CLSTN2: variants seen among roughly 807,000 people sequenced by gnomAD.
The protein encoded by CLSTN2 is calsyntenin-2.
Under a neutral mutation model 101.2 loss-of-function variants are expected in CLSTN2, and 48 were observed. The ratio of observed to expected loss-of-function variants is 0.47; its 90% confidence interval spans 0.38 to 0.60. The LOEUF is 0.60. CLSTN2 is among the 20% of genes least tolerant of loss of function. The pLI, the probability that CLSTN2 is intolerant of heterozygous loss-of-function variation, is 0.00. For synonymous variants in CLSTN2, 481 were observed against 463.6 expected, an observed-to-expected ratio of 1.04 and a Z score of -0.48; for missense variants, 1,160 against 1,238.2, an observed-to-expected ratio of 0.94 and a Z score of 0.95.
chr3:140,177,683 C>T (rs2010346079), intron 2 of CLSTN2, among the ~76,000 whole-genome samples: 2 of 151,970 alleles, frequency 1.3e-5, no homozygotes, highest in South Asian at 4.2e-4. Context: ...GTCCTAGTTT[C>T]TCAGGAAGCC....
intron 1 of CLSTN2, among the ~76,000 whole-genome samples, chr3:140,143,132 C>T (rs1190534356): frequency 6.6e-6 from 1 of 152,152 alleles, no homozygotes; most frequent in Non-Finnish European, 1.5e-5. Context: ...AGAATAAAAA[C>T]CTGAGATGGC....
chr3:140,202,676 C>T (rs780733139), intron 2 of CLSTN2, among the ~76,000 whole-genome samples: 14 of 152,028 alleles, frequency 9.2e-5, no homozygotes, highest in Non-Finnish European at 1.6e-4. Context: ...TTTTAGGCCA[C>T]GGGACATTCA....
chr3:140,551,093 T>C (rs1310392582), intron 10 of CLSTN2, among the ~76,000 whole-genome samples: 4 of 152,350 alleles, frequency 2.6e-5, no homozygotes, highest in Non-Finnish European at 5.9e-5. Flanking sequence ...AATCAGTTCA[T>C]GCTCTTTCCT....
intron 1 of CLSTN2, among the ~76,000 whole-genome samples, chr3:140,030,635 C>T (rs1463851670): frequency 6.6e-6 from 1 of 152,192 alleles, no homozygotes; most frequent in South Asian, 2.1e-4. Flanking sequence ...GGAGAGGACA[C>T]AGGGCTACTC....
At chr3:140,039,575 T>A (rs908183425) in intron 1 of CLSTN2, among the ~76,000 whole-genome samples, 1 of 152,232 alleles carries the variant, frequency 6.6e-6, no homozygotes, top group African/African-American at 2.4e-5. Flanking sequence ...TAACCATGCA[T>A]GACATTCCTA....
intron 2 of CLSTN2, among the ~76,000 whole-genome samples, chr3:140,335,414 A>T (rs1362129499): frequency 6.6e-6 from 1 of 152,050 alleles, no homozygotes; most frequent in Non-Finnish European, 1.5e-5. Flanking sequence ...GTTATTGAGG[A>T]AACTCAGAGA....
At chr3:140,307,229 G>C (rs75670143) in intron 2 of CLSTN2, among the ~76,000 whole-genome samples, 2 of 152,024 alleles carry the variant, frequency 1.3e-5, no homozygotes, top group East Asian at 3.9e-4. Flanking sequence ...TTGCCCACTC[G>C]GGTGTGTCTT....
At chr3:140,082,595 C>A (rs1289266789) in intron 1 of CLSTN2, among the ~76,000 whole-genome samples, 2 of 152,192 alleles carry the variant, frequency 1.3e-5, no homozygotes, top group East Asian at 1.9e-4. Flanking sequence ...CCCCCATACA[C>A]CCCTCCAAAC....
chr3:140,279,677 C>T (rs942606030), intron 2 of CLSTN2, among the ~76,000 whole-genome samples: 2 of 152,184 alleles, frequency 1.3e-5, no homozygotes, highest in African/African-American at 4.8e-5. Context: ...CCCTCAAGGT[C>T]AGCAGCCCGC....
intron 8 of CLSTN2, among the ~76,000 whole-genome samples, chr3:140,521,759 C>T (rs886671167): frequency 1.2e-4 from 19 of 152,220 alleles, no homozygotes; most frequent in Admixed American, 3.9e-4. Context: ...ACGGTCACAT[C>T]TCTCCCCAGG....
At chr3:140,425,557 G>C (rs938007549) in intron 5 of CLSTN2, among the ~76,000 whole-genome samples, 17 of 152,122 alleles carry the variant, frequency 1.1e-4, no homozygotes, top group African/African-American at 4.1e-4. Context: ...TCTCCCTTAG[G>C]GCGGAACCAC....
At chr3:139,995,890 G>A (rs759369655) in intron 1 of CLSTN2, among the ~76,000 whole-genome samples, 27 of 151,920 alleles carry the variant, frequency 1.8e-4, no homozygotes, top group Non-Finnish European at 2.9e-4. Context: ...TTTGACCTCG[G>A]GTATATTGAA....
At chr3:140,167,492 T>C in intron 1 of CLSTN2, among the ~76,000 whole-genome samples, 1 of 152,192 alleles carries the variant, frequency 6.6e-6, no homozygotes, top group East Asian at 1.9e-4. Flanking sequence ...TTTACCTCTC[T>C]AGTCTGGGAG....
intron 2 of CLSTN2, among the ~76,000 whole-genome samples, chr3:140,329,622 T>C (rs562456683): frequency 6.6e-6 from 1 of 152,256 alleles, no homozygotes; most frequent in South Asian, 2.1e-4. Context: ...CCTAACTTTA[T>C]AAAAAATCAA....
chr3:140,065,194 A>C (rs943985980), intron 1 of CLSTN2, among the ~76,000 whole-genome samples: 23 of 152,248 alleles, frequency 1.5e-4, no homozygotes, highest in African/African-American at 5.5e-4. Context: ...GGTGGTCTTC[A>C]CCTGACTTCA....
rs1008214467 is a variant in CLSTN2, at chr3:140,558,462, C to T, written c.1824-178C>T. On this transcript the variant is annotated intron_variant, in intron 11 of 16. Coordinates refer to ENST00000458420, the MANE Select transcript of CLSTN2 (RefSeq NM_022131.3). Reference sequence around the variant, plus strand: ...GCCAATCTTTCAAGTCCCTAGATCACTAGTGGTTTTGATTATAATGTGGCT... The same window carrying T: ...GCCAATCTTTCAAGTCCCTAGATCATTAGTGGTTTTGATTATAATGTGGCT... 2.6e-5 allele frequency among the ~76,000 whole-genome samples: 4 copies of T among 152,200 alleles called. No individual in the cohort carries two copies. The East Asian group carries it at 7.7e-4, about 29-fold the overall frequency.
At position 140,546,668 on chromosome 3, in the gene CLSTN2, G is replaced by A; in HGVS notation, c.1661G>A (p.Gly554Asp). Residue 554 changes from glycine (G) to aspartate (D), a missense_variant, in exon 10 of 17, where the codon GGC (glycine) becomes GAC (aspartate). Transcript: ENST00000458420. ...GLDINSLESL[G>D]QGIKYHFNPS... is the part of the protein sequence containing the mutation. The stretch of plus-strand genomic sequence containing the variant: ...GACATTAATTCCTTGGAAAGCCTTG[G>A]CCAAGGAATAAAGGTAAGGCAGGAG... 6.2e-7 allele frequency: 1 copy of A among 1,612,722 alleles called. No individual in the cohort carries two copies. Among genetic ancestry groups the A allele is most frequent in the Non-Finnish European group, 8.5e-7 (1 of 1,179,690 alleles).
chr3:140,287,824 G>T (rs1382170505), intron 2 of CLSTN2, among the ~76,000 whole-genome samples: 1 of 152,098 alleles, frequency 6.6e-6, no homozygotes, highest in African/African-American at 2.4e-5. Flanking sequence ...AGGTCTATCC[G>T]ATCCCCAAAT....
Position 140,214,886 on chromosome 3 carries a change from C to G in CLSTN2, c.232+38813C>G, listed in dbSNP as rs140642563. Among the ~76,000 whole-genome samples, 88 of 152,296 alleles carry G rather than the reference C, an allele frequency of 5.8e-4. 1 individual carries two copies. The East Asian group carries it at 0.016, about 28-fold the overall frequency. ...CGTAGGTGCCATATATTTTTGAAGT[C>G]TTTATACAACATAATAAATTTAGAC... On this transcript the variant is annotated intron_variant, in intron 2 of 16. Coordinates refer to ENST00000458420, the MANE Select transcript of CLSTN2 (RefSeq NM_022131.3).
Sources: gnomAD v4.1 joint callset for allele counts (sites outside exome capture counted in the v4.1 genomes callset) on GRCh38, gnomAD v4.1.1 for gene constraint, MANE v1.5 for transcripts, NCBI Gene and HGNC (gene_info 2026-07-23, HGNC 2026-07-21) for gene names.